Variants in C2CD2 observed in about 807,000 individuals in gnomAD.
C2CD2 encodes C2 domain-containing protein 2.
A neutral mutation model predicts 74.3 loss-of-function variants in C2CD2; 43 were observed. The ratio of observed to expected loss-of-function variants is 0.58; its 90% confidence interval spans 0.45 to 0.75. The LOEUF (loss-of-function observed/expected upper bound fraction) is 0.75, where lower values mean the gene tolerates loss of function less well. C2CD2 is among the 30% of genes least tolerant of loss of function. The pLI is 0.00. For synonymous variants in C2CD2, 422 were observed against 390.7 expected (o/e 1.08, Z -0.94); for missense variants, 801 against 916.3 (o/e 0.87, Z 1.63).
chr21:41,953,319 C>G (rs574965423), intron 1 of C2CD2, 51 bp downstream of exon 1: 1 of 1,286,920 alleles, frequency 7.8e-7, no homozygotes, highest in Non-Finnish European at 1.0e-6. Flanking sequence ...TCGGCCCGGA[C>G]CGCCCGCCCC....
At chr21:41,944,538 A>AAAAAAG (rs1555906450) in intron 1 of C2CD2, among the ~76,000 whole-genome samples, 52 of 130,610 alleles carry the variant, frequency 4.0e-4, no homozygotes, top group African/African-American at 1.1e-3. Flanking sequence ...AAAAAAAAAA[A>AAAAAAG]AAAAGAAAAG....
chr21:41,940,155 G>T (rs1350504455), intron 2 of C2CD2, among the ~76,000 whole-genome samples: 3 of 152,108 alleles, frequency 2.0e-5, no homozygotes. Flanking sequence ...CTGGCCCCAA[G>T]AATTTCAGGT....
intron 5 of C2CD2, among the ~76,000 whole-genome samples, chr21:41,915,539 C>T (rs752572077): frequency 6.6e-6 from 1 of 151,868 alleles, no homozygotes; most frequent in Non-Finnish European, 1.5e-5. Context: ...TGGGTGCAAG[C>T]GATTCTCCTG....
chr21:41,914,129 G>A (rs2065060076), intron 6 of C2CD2, among the ~76,000 whole-genome samples: 1 of 152,076 alleles, frequency 6.6e-6, no homozygotes, highest in African/African-American at 2.4e-5. Context: ...GGGAGGCTGA[G>A]GCAGGAGAAT....
chr21:41,911,150 C>G (rs2065021314), intron 7 of C2CD2, among the ~76,000 whole-genome samples: 2 of 152,038 alleles, frequency 1.3e-5, no homozygotes, highest in Non-Finnish European at 2.9e-5. Flanking sequence ...TTAAATGTCA[C>G]TGAATGTCTT....
At position 41,905,728 on chromosome 21, in the gene C2CD2, G is replaced by T; in HGVS notation, c.1428C>A (p.Asp476Glu). 1.9e-6 allele frequency: 3 copies of T among 1,573,418 alleles called. No individual in the cohort carries two copies. Among genetic ancestry groups the T allele is most frequent in the Non-Finnish European group, 2.6e-6 (3 of 1,144,294 alleles). ...ACGTGGGCGTGTCTCAGTTACCTGTGTCTGAAGAAGAGAGTGTTTTGCTGA... is the reference window on the plus strand; with the variant it reads ...ACGTGGGCGTGTCTCAGTTACCTGTTTCTGAAGAAGAGAGTGTTTTGCTGA... ...APVSKTLSSS[D>E]TELLVLNGSD... Residue 476 changes from aspartate to glutamate, a missense_variant, in exon 11 of 14, where the codon GAC becomes GAA. Transcript: ENST00000380486.
In C2CD2 at chr21:41,945,805, G is replaced by A. The variant is rs117284287; in HGVS notation, c.280-3560C>T. Among the ~76,000 whole-genome samples the A allele has an allele frequency of 7.6e-3, 1,162 of 152,128 alleles. 7 individuals are homozygous for A. Among genetic ancestry groups the A allele is most frequent in the Middle Eastern group, 0.034 (10 of 292 alleles). The stretch of plus-strand genomic sequence containing the variant: ...CCTGCCGCCTTATGAAGAAGGTGAC[G>A]GCTTTCCCTACCATCATGATTGTAA... On this transcript the variant is annotated intron_variant, in intron 1 of 13. Coordinates refer to ENST00000380486, the MANE Select transcript of C2CD2 (RefSeq NM_015500.2). This position sits in a 1 kb window ranked among gnomAD's most constrained non-coding sequence, Gnocchi z 4.2.
intron 5 of C2CD2, 78 bp downstream of exon 5, chr21:41,918,027 C>T (rs1228244684): frequency 6.4e-7 from 1 of 1,554,542 alleles, no homozygotes; most frequent in African/African-American, 1.4e-5. Flanking sequence ...CGCTGGAACG[C>T]ACACAGATTC....
intron 6 of C2CD2, 52 bp from the exon 7 acceptor site, chr21:41,912,492 T>A (rs776070249): frequency 6.0e-6 from 5 of 831,382 alleles, no homozygotes; most frequent in Non-Finnish European, 6.6e-6. Context: ...ATTATTTATT[T>A]ATTTTTTTTT....
intron 1 of C2CD2, chr21:41,953,069 G>A: frequency 2.9e-6 from 1 of 346,578 alleles, no homozygotes. Flanking sequence ...AGGCAAGGCA[G>A]GTACTGGCTG....
chr21:41,901,065 C>T (rs1315744709), intron 12 of C2CD2: 1 of 155,320 alleles, frequency 6.4e-6, no homozygotes, highest in Non-Finnish European at 1.4e-5. Flanking sequence ...CATGGCCCTT[C>T]ACCTGAGGGG....
At chr21:41,919,044 A>ACG in intron 3 of C2CD2, 84 bp from the exon 4 acceptor site, 1 of 939,214 alleles carries the variant, frequency 1.1e-6, no homozygotes, top group South Asian at 1.4e-5. Flanking sequence ...CTGTGTGAGC[A>ACG]TGTGTGTGTG....
At chr21:41,948,714 A>G (rs1308468898) in intron 1 of C2CD2, among the ~76,000 whole-genome samples, 1 of 152,068 alleles carries the variant, frequency 6.6e-6, no homozygotes. Context: ...AGCCACTGTC[A>G]TTGGTCAAGG....
At chr21:41,912,725 G>A (rs1005562714) in intron 6 of C2CD2, among the ~76,000 whole-genome samples, 5 of 152,024 alleles carry the variant, frequency 3.3e-5, no homozygotes, top group African/African-American at 9.7e-5. Flanking sequence ...TCCTGACCTC[G>A]TGATCCACCC....
chr21:41,889,103 T>C lies in C2CD2; in HGVS notation c.*21A>G, dbSNP rs2064716498. The C allele has an allele frequency of 1.3e-6, 2 of 1,591,350 alleles. No homozygotes were observed. Among genetic ancestry groups the C allele is most frequent in the Non-Finnish European group, 1.7e-6 (2 of 1,161,208 alleles). Reference sequence around the variant, plus strand: ...TAACATGGGTGCACGTCTTCTGGCTTGGAGGTGATGACCTCAGGCCCTACG... The same window carrying C: ...TAACATGGGTGCACGTCTTCTGGCTCGGAGGTGATGACCTCAGGCCCTACG... On this transcript the variant is annotated 3_prime_UTR_variant, in exon 14 of 14. Transcript: ENST00000380486.
At chr21:41,907,844 C>A (rs931179541) in intron 8 of C2CD2, 60 bp from the exon 9 acceptor site, 1 of 1,596,050 alleles carries the variant, frequency 6.3e-7, no homozygotes, top group African/African-American at 1.3e-5. Flanking sequence ...TCCGTGAGGA[C>A]GGAAAGGCCC....
At chr21:41,901,957 A>G (rs2064904252) in intron 11 of C2CD2, among the ~76,000 whole-genome samples, 1 of 152,256 alleles carries the variant, frequency 6.6e-6, no homozygotes, top group Non-Finnish European at 1.5e-5. Context: ...TAGAGACCAC[A>G]GGTAAATAAA....
rs768931129 is a variant in C2CD2 at position 41,924,973 on chromosome 21, C to T, written c.379-2888G>A. 5.9e-5 allele frequency among the ~76,000 whole-genome samples: 9 copies of T among 152,134 alleles called. No individual in the cohort carries two copies. Among genetic ancestry groups the T allele is most frequent in the East Asian group, 3.8e-4 (2 of 5,198 alleles). The stretch of plus-strand genomic sequence containing the variant: ...AAAAGACTTTAAAACTTCTAGAATG[C>T]GGGACTCCAAAGCTCATAAGTAATC... On this transcript the variant is annotated intron_variant, in intron 2 of 13. Coordinates refer to ENST00000380486, the MANE Select transcript of C2CD2 (RefSeq NM_015500.2). The surrounding 1 kb of genome is among the most constrained non-coding windows in gnomAD (Gnocchi z 4.4).
chr21:41,901,259 C>T (rs1019150513), intron 12 of C2CD2: 2 of 338,250 alleles, frequency 5.9e-6, no homozygotes, highest in African/African-American at 4.2e-5. Flanking sequence ...GGAAACGTGT[C>T]ACGTGGAAAG....
Sources: gnomAD v4.1 joint callset for allele counts (sites outside exome capture counted in the v4.1 genomes callset) on GRCh38, gnomAD v4.1.1 for gene constraint, Gnocchi (gnomAD v3.1) non-coding constraint, MANE v1.5 for transcripts, NCBI Gene and HGNC (gene_info 2026-07-23, HGNC 2026-07-21) for gene names.